Variants in PXDNL observed in about 807,000 individuals in gnomAD.
PXDNL encodes probable oxidoreductase PXDNL.
In PXDNL, 145 loss-of-function variants were observed where a neutral mutation model predicts 150.8. The ratio of observed to expected loss-of-function variants is 0.96; its 90% CI spans 0.84 to 1.10. The LOEUF is 1.10. Among genes scored for constraint, PXDNL ranks in the 50% least tolerant of loss-of-function variants. The probability of loss-of-function intolerance (pLI) is 0.00; values close to 1 mark genes in which losing one functional copy is unlikely to be tolerated. For missense variants in PXDNL, 2,087 were observed against 1,873.9 expected, an observed-to-expected ratio of 1.11 and a Z score of -2.10; for synonymous variants, 757 against 725.7, an observed-to-expected ratio of 1.04 and a Z score of -0.69.
At chr8:51,499,564 T>C in intron 5 of PXDNL, 135 bp downstream of exon 5, 1 of 622,008 alleles carries the variant, frequency 1.6e-6, no homozygotes, top group Admixed American at 2.7e-5. Flanking sequence ...ATTAACTCTG[T>C]TTTGTAGTGC....
chr8:51,666,401 A>C (rs773264108), intron 1 of PXDNL, among the ~76,000 whole-genome samples: 9 of 152,160 alleles, frequency 5.9e-5, no homozygotes, highest in Admixed American at 1.3e-4. Flanking sequence ...GTAAGCAGAA[A>C]GTATATGCAT....
Position 51,377,105 on chromosome 8 carries a change from TACACACACACAC to T in PXDNL, c.3558-2386_3558-2375del, listed in dbSNP as rs772419401. Among the ~76,000 whole-genome samples, 848 of 140,696 alleles carry T rather than the reference TACACACACACAC, an allele frequency of 6.0e-3. 4 individuals are homozygous for T. Among genetic ancestry groups the T allele is most frequent in the African/African-American group, 0.021 (798 of 38,358 alleles). The allele number at this position is 140,696 out of a possible 152,430, so 92.3% of individuals were successfully genotyped here. On this transcript the variant is annotated intron_variant, in intron 17 of 22. Coordinates refer to ENST00000356297, the MANE Select transcript of PXDNL (RefSeq NM_144651.5). Reference sequence around the variant, plus strand: ...AAATCTGAAGTGGCACTCTACCCTTTACACACACACACACACACACACACACACACACACACA... The same window carrying T: ...AAATCTGAAGTGGCACTCTACCCTTTACACACACACACACACACACACACA...
At chr8:51,325,436 G>T (rs1805452585) in intron 21 of PXDNL, among the ~76,000 whole-genome samples, 1 of 152,150 alleles carries the variant, frequency 6.6e-6, no homozygotes, top group African/African-American at 2.4e-5. Context: ...GACACACAAA[G>T]GGGTTCTCTT....
intron 1 of PXDNL, among the ~76,000 whole-genome samples, chr8:51,705,822 T>C (rs1324168558): frequency 7.4e-5 from 5 of 67,678 alleles, no homozygotes; most frequent in Non-Finnish European, 1.3e-4. Context: ...TGTGTGTGTG[T>C]GTGTGTGTGT....
rs1476078625 is a variant in PXDNL, at chr8:51,534,207, C to T, written c.380+22633G>A. 3.6e-5 allele frequency among the ~76,000 whole-genome samples: 5 copies of T among 138,902 alleles called. 1 individual carries two copies. In the South Asian group the frequency reaches 6.6e-4, roughly 18 times the overall value. 91.1% of individuals were successfully genotyped at this position (138,902 alleles called of 152,430 possible). ...TCTGGGAGGTGAGGAGCGTCTCTGC[C>T]CGGCCGCCCCGTCTGAGAAGTAAGG... On this transcript the variant is annotated intron_variant, in intron 4 of 22. Transcript: ENST00000356297.
At chr8:51,674,453 T>G (rs146502856) in intron 1 of PXDNL, among the ~76,000 whole-genome samples, 328 of 152,360 alleles carry the variant, frequency 2.2e-3, no homozygotes, top group South Asian at 0.01. Context: ...AAAGAGAAAC[T>G]TCTTGCAGAT....
intron 17 of PXDNL, among the ~76,000 whole-genome samples, chr8:51,394,333 A>T (rs1808010187): frequency 6.6e-6 from 1 of 152,154 alleles, no homozygotes; most frequent in Non-Finnish European, 1.5e-5. Context: ...CATCCATAAA[A>T]CCTAAGAGGT....
chr8:51,571,098 A>G (rs531748476), intron 3 of PXDNL, among the ~76,000 whole-genome samples: 2,672 of 146,520 alleles, frequency 0.018, 83 homozygotes, highest in African/African-American at 0.065. Context: ...TTTTTTTTTG[A>G]AAAAAAAAAT....
chr8:51,560,346 C>T (rs1252665357), intron 3 of PXDNL, among the ~76,000 whole-genome samples: 1 of 151,688 alleles, frequency 6.6e-6, no homozygotes, highest in African/African-American at 2.4e-5. Context: ...TTCAAGAGGC[C>T]CTGAACAGTT....
chr8:51,387,077 C>T (rs906600140), intron 17 of PXDNL, among the ~76,000 whole-genome samples: 1 of 152,132 alleles, frequency 6.6e-6, no homozygotes, highest in African/African-American at 2.4e-5. Flanking sequence ...ATGAACTAAG[C>T]TTATCCTTCA....
At chr8:51,376,967 C>A (rs1191970084) in intron 17 of PXDNL, among the ~76,000 whole-genome samples, 3 of 152,136 alleles carry the variant, frequency 2.0e-5, no homozygotes, top group Non-Finnish European at 2.9e-5. Flanking sequence ...ATCCACCCTC[C>A]TCAGCCTCCC....
At chr8:51,406,044 T>G (rs570303274) in intron 17 of PXDNL, among the ~76,000 whole-genome samples, 2 of 152,332 alleles carry the variant, frequency 1.3e-5, no homozygotes, top group African/African-American at 4.8e-5. Context: ...ATACTTCACA[T>G]CAGCCACTGT....
At chr8:51,523,339 T>C (rs1811700641) in intron 4 of PXDNL, among the ~76,000 whole-genome samples, 1 of 152,230 alleles carries the variant, frequency 6.6e-6, no homozygotes, top group South Asian at 2.1e-4. Flanking sequence ...AAACTACATT[T>C]GGAAAATAAA....
At chr8:51,536,812 T>C (rs1197989289) in intron 4 of PXDNL, among the ~76,000 whole-genome samples, 1 of 152,204 alleles carries the variant, frequency 6.6e-6, no homozygotes, top group Non-Finnish European at 1.5e-5. Flanking sequence ...AAAAAATGAA[T>C]GTCTGAGAAA....
chr8:51,337,954 A>G (rs1805878445), intron 21 of PXDNL, among the ~76,000 whole-genome samples: 1 of 151,204 alleles, frequency 6.6e-6, no homozygotes, highest in Non-Finnish European at 1.5e-5. Context: ...CGAAGCGGGC[A>G]GATGACCTGA....
At position 51,409,158 on chromosome 8, in the gene PXDNL, G is replaced by C; in HGVS notation, c.2466C>G (p.Ser822Arg). The change falls in exon 17 of 23, where the codon AGC becomes AGG. Residue 822 changes from serine (S) to arginine (R), a missense_variant. By Grantham distance (110) the Ser-to-Arg change is moderately radical (BLOSUM62 -1). Transcript: ENST00000356297. The stretch of plus-strand genomic sequence containing the variant: ...GCCGCCCATCCGAGAAGCGGGCTGT[G>C]CTCAGCGCAGGCACTGTGTGGTCCA... ...HDLDHTVPALSTARFSDGRPC... is the reference protein window; with the variant it reads ...HDLDHTVPALRTARFSDGRPC... The C allele has an allele frequency of 6.2e-7, 1 of 1,601,396 alleles. No individual in the cohort carries two copies. The highest frequency in any genetic ancestry group is 8.5e-7 in the Non-Finnish European group (1 of 1,177,600).
chr8:51,465,048 A>G (rs1282837504), intron 8 of PXDNL, among the ~76,000 whole-genome samples: 1 of 152,140 alleles, frequency 6.6e-6, no homozygotes, highest in African/African-American at 2.4e-5. Context: ...TCCCTCGCTC[A>G]TTCTATGAAG....
At chr8:51,405,067 C>A (rs1345992542) in intron 17 of PXDNL, among the ~76,000 whole-genome samples, 2 of 152,200 alleles carry the variant, frequency 1.3e-5, no homozygotes, top group Admixed American at 6.5e-5. Flanking sequence ...CCCCTCACTG[C>A]CTGGGGCCGG....
At chr8:51,714,339 A>G (rs535360557) in intron 1 of PXDNL, among the ~76,000 whole-genome samples, 2 of 152,328 alleles carry the variant, frequency 1.3e-5, no homozygotes, top group Admixed American at 6.5e-5. Context: ...TTGCTGCGCT[A>G]TTATCCACCA....
Sources: allele counts gnomAD v4.1 joint callset (sites outside exome capture counted in the v4.1 genomes callset), GRCh38; gene constraint gnomAD v4.1.1; transcripts MANE v1.5; gene names NCBI Gene and HGNC (gene_info 2026-07-23, HGNC 2026-07-21).